LAMA1: variants seen among roughly 807,000 people sequenced by gnomAD.
LAMA1 encodes the protein laminin subunit alpha 1.
A neutral mutation model predicts 348.7 loss-of-function variants in LAMA1; 219 were observed. The observed-to-expected ratio is 0.63, with a 90% CI of 0.56 to 0.70. The LOEUF (loss-of-function observed/expected upper bound fraction) is 0.70, where lower values mean the gene tolerates loss of function less well. Ranked by LOEUF, LAMA1 falls within the 30% of genes least tolerant of loss-of-function variation. LAMA1 has a pLI of 0.00. For missense variants in LAMA1, 3,744 were observed against 3,888.0 expected, an observed-to-expected ratio of 0.96 and a Z score of 0.99; for synonymous variants, 1,487 against 1,491.0, an observed-to-expected ratio of 1.00 and a Z score of 0.06.
At chr18:6,957,059 C>A (rs766751004) in intron 55 of LAMA1, 1 of 398,630 alleles carries the variant, frequency 2.5e-6, no homozygotes, top group Non-Finnish European at 4.7e-6. Flanking sequence ...CCTCCTCCTG[C>A]AGCCTTGACT....
At chr18:7,011,277 T>G (rs2057858486) in intron 25 of LAMA1, 23 bp downstream of exon 25, 1 of 1,609,028 alleles carries the variant, frequency 6.2e-7, no homozygotes, top group African/African-American at 1.3e-5. Flanking sequence ...ACCGACTGGC[T>G]CTCGGCTGGG....
intron 22 of LAMA1, 134 bp downstream of exon 22, chr18:7,015,588 G>GTT (rs35052861): frequency 0.16 from 146,811 of 897,248 alleles, 2,785 homozygotes; most frequent in Middle Eastern, 0.22. Context: ...CCCACATTGA[G>GTT]TTTTTTTTTT....
chr18:7,030,034 TG>T (rs2057961929), intron 16 of LAMA1, among the ~76,000 whole-genome samples: 1 of 152,150 alleles, frequency 6.6e-6, no homozygotes, highest in African/African-American at 2.4e-5. Flanking sequence ...CCACGTTTTT[TG>T]TATTTCCTTA....
intron 3 of LAMA1, among the ~76,000 whole-genome samples, chr18:7,055,740 T>C (rs370363961): frequency 2.0e-5 from 3 of 152,268 alleles, no homozygotes; most frequent in African/African-American, 4.8e-5. Flanking sequence ...TCTCTGAGCA[T>C]GAGCTACTTT....
chr18:6,997,298 G>A (rs144389193), intron 33 of LAMA1, among the ~76,000 whole-genome samples: 1 of 152,136 alleles, frequency 6.6e-6, no homozygotes. Context: ...TCTTGACCTC[G>A]TGATCCACCC....
intron 57 of LAMA1, 89 bp downstream of exon 57, chr18:6,955,264 G>C: frequency 1.0e-6 from 1 of 1,001,278 alleles, no homozygotes; most frequent in Non-Finnish European, 1.5e-6. Context: ...AATAAAAGCA[G>C]GTTCTTTTGG....
chr18:7,069,368 C>A (rs2058136771), intron 3 of LAMA1, among the ~76,000 whole-genome samples: 1 of 152,130 alleles, frequency 6.6e-6, no homozygotes, highest in Non-Finnish European at 1.5e-5. Context: ...GGGTGCGGCC[C>A]CTACAAGATA....
chr18:6,954,161 C>G (rs1198208046), intron 57 of LAMA1: 1 of 152,208 alleles, frequency 6.6e-6, no homozygotes, highest in Non-Finnish European at 1.5e-5. Context: ...CTCCCCATGT[C>G]GTTTGGAGGC....
At chr18:7,105,059 G>A (rs1450042302) in intron 1 of LAMA1, among the ~76,000 whole-genome samples, 2 of 152,178 alleles carry the variant, frequency 1.3e-5, no homozygotes. Flanking sequence ...GTTTTGTTGG[G>A]TGGAAGAGAA....
rs2057836304 is a variant in LAMA1 at position 7,007,221 on chromosome 18, G to A, written c.4178C>T (p.Pro1393Leu). 6.2e-7 allele frequency: 1 copy of A among 1,613,980 alleles called. No homozygotes were observed. The highest frequency in any genetic ancestry group is 1.3e-5 in the African/African-American group (1 of 74,912). The stretch of plus-strand genomic sequence containing the variant: ...AACACAAGGAGCAACCAGAGGGCGT[G>A]GTCCCCTGTCACTCCCTGCTGGGAG... ...GKLPAGSDRG[P>L]RPLVAPCVPC... is the part of the protein sequence containing the mutation. Residue 1393 changes from proline (P) to leucine (L), a missense_variant, in exon 29 of 63, where the codon CCA (proline) becomes CTA (leucine). Around this residue, in one of 3 missense-constraint regions of LAMA1, gnomAD observed 1,983 missense variants for 1,934.3 expected, o/e 1.03. Coordinates refer to ENST00000389658, the MANE Select transcript of LAMA1 (RefSeq NM_005559.4).
Position 6,980,634 on chromosome 18 carries a change from A to G in LAMA1, c.5894T>C (p.Ile1965Thr). Residue 1965 changes from isoleucine (I) to threonine (T), a missense_variant, in exon 42 of 63, where the codon ATT becomes ACT. Coordinates refer to ENST00000389658, the MANE Select transcript of LAMA1 (RefSeq NM_005559.4). ...TCTCAATTCACTCAGTTCCAATGCA[A>G]TACCTATTTAAAGGGAGAAAAATGT... ...GNNLSRKLPGIALELSELRNK... is the reference protein window; with the variant it reads ...GNNLSRKLPGTALELSELRNK... The G allele has an allele frequency of 6.3e-7, 1 of 1,588,778 alleles. No individual in the cohort carries two copies. The highest frequency in any genetic ancestry group is 8.6e-7 in the Non-Finnish European group (1 of 1,157,574).
intron 49 of LAMA1, chr18:6,965,836 C>A: frequency 2.4e-6 from 1 of 409,998 alleles, no homozygotes; most frequent in African/African-American, 2.0e-5. Context: ...ACAGTGAACC[C>A]AGAACAAGAC....
At position 6,965,340 on chromosome 18, in the gene LAMA1, A is replaced by G. The variant is rs16950892; in HGVS notation, c.7143T>C (p.Arg2381=). ...TTTTGTACCAGGTTCCATTGTTATA[A>G]CGTCTGTCTGTCAAAAGGGTAATGG... ...SGPITLLTDR[R]YNNGTWYKIA... The change falls in exon 50 of 63, where the codon CGT becomes CGC. Residue 2381 remains arginine (R), a synonymous_variant. Coordinates refer to ENST00000389658, the MANE Select transcript of LAMA1 (RefSeq NM_005559.4). 4.1e-3 allele frequency: 6,599 copies of G among 1,614,160 alleles called. 231 individuals carry two copies. In the African/African-American group the frequency reaches 0.075, roughly 18 times the overall value.
chr18:7,009,160 G>A (rs2057847020), intron 27 of LAMA1, 79 bp downstream of exon 27: 3 of 1,476,392 alleles, frequency 2.0e-6, no homozygotes, highest in Non-Finnish European at 2.8e-6. Flanking sequence ...AGTAGGTAAT[G>A]GAAGTGAAGT....
intron 33 of LAMA1, among the ~76,000 whole-genome samples, chr18:6,996,097 T>C (rs1428563518): frequency 6.6e-6 from 1 of 152,122 alleles, no homozygotes; most frequent in African/African-American, 2.4e-5. Flanking sequence ...ATACTGATCG[T>C]GTATATAGTG....
At chr18:7,045,545 A>C (rs2144191685) in intron 6 of LAMA1, among the ~76,000 whole-genome samples, 1 of 152,244 alleles carries the variant, frequency 6.6e-6, no homozygotes, top group Middle Eastern at 3.4e-3. Context: ...AAAGAGATAA[A>C]CTGTTAAATC....
intron 29 of LAMA1, among the ~76,000 whole-genome samples, chr18:7,006,581 C>T (rs1287165129): frequency 6.6e-6 from 1 of 152,134 alleles, no homozygotes; most frequent in East Asian, 1.9e-4. Context: ...GGGATACTGC[C>T]TGAGAAATGC....
chr18:7,032,465 G>A (rs772679669), intron 15 of LAMA1, among the ~76,000 whole-genome samples: 4 of 152,126 alleles, frequency 2.6e-5, no homozygotes, highest in Non-Finnish European at 5.9e-5. Context: ...TCTTGTTATG[G>A]TATTAATATC....
intron 33 of LAMA1, among the ~76,000 whole-genome samples, chr18:6,997,369 C>T (rs542513378): frequency 6.6e-6 from 1 of 152,298 alleles, no homozygotes; most frequent in South Asian, 2.1e-4. Flanking sequence ...CGTGCCTGGC[C>T]TATTTTCTGC....
Sources: gnomAD v4.1 joint callset for allele counts (sites outside exome capture counted in the v4.1 genomes callset) on GRCh38, gnomAD v4.1.1 for gene constraint, gnomAD v4.1.1 regional missense constraint, MANE v1.5 for transcripts, NCBI Gene and HGNC (gene_info 2026-07-23, HGNC 2026-07-21) for gene names.